The following MYH11 variants were observed in gnomAD, a reference collection of about 807,000 sequenced individuals.
MYH11 encodes myosin heavy chain 11.
MYH11 carries 80 observed loss-of-function variants against 246.6 expected under a neutral mutation model. The observed-to-expected ratio is 0.32, with a 90% CI of 0.27 to 0.39. The LOEUF is 0.39. Among genes scored for constraint, MYH11 ranks in the 10% least tolerant of loss-of-function variants. MYH11 has a pLI of 1.00. For missense variants in MYH11, 2,158 were observed against 2,546.8 expected, an observed-to-expected ratio of 0.85 and a Z score of 3.29; for synonymous variants, 1,071 against 1,015.5, an observed-to-expected ratio of 1.05 and a Z score of -1.04.
chr16:15,718,884 T>C (rs1184910965), intron 36 of MYH11: 2 of 412,630 alleles, frequency 4.8e-6, no homozygotes, highest in Non-Finnish European at 4.5e-6. Flanking sequence ...TCACAGCACT[T>C]TGGGAGGCCA....
chr16:15,728,250 C>A (rs905738311), intron 27 of MYH11, among the ~76,000 whole-genome samples: 2 of 152,084 alleles, frequency 1.3e-5, no homozygotes, highest in Non-Finnish European at 2.9e-5. Flanking sequence ...CAATAACTAA[C>A]ATTCTATGTG....
chr16:15,727,086 G>C (rs199516664), intron 27 of MYH11, 32 bp from the exon 28 acceptor site: 3 of 1,605,546 alleles, frequency 1.9e-6, no homozygotes, highest in South Asian at 1.1e-5. Flanking sequence ...AGGGATAACA[G>C]GGAGGCTGTG....
chr16:15,708,687 A>G (rs1450504257), intron 40 of MYH11: 2 of 1,149,684 alleles, frequency 1.7e-6, no homozygotes, highest in Non-Finnish European at 2.6e-6. Flanking sequence ...AGATTTTGCA[A>G]GAATCTCGTG....
At chr16:15,799,645 C>T (rs908846406) in intron 3 of MYH11, among the ~76,000 whole-genome samples, 1 of 152,216 alleles carries the variant, frequency 6.6e-6, no homozygotes, top group South Asian at 2.1e-4. Flanking sequence ...AGACCCATTT[C>T]CTTCCCAAAG....
In MYH11 at chr16:15,718,302, A is replaced by G. The variant is rs193922632; in HGVS notation, c.5295+13T>C. Reference sequence around the variant, plus strand: ...AGTAGGCAGCGTGACTGTGGTGTCCAGGCGGCCCTCACCTGCTGTGTGGCT... The same window carrying G: ...AGTAGGCAGCGTGACTGTGGTGTCCGGGCGGCCCTCACCTGCTGTGTGGCT... On this transcript the variant is annotated intron_variant, in intron 37 of 40. Transcript: ENST00000300036. 5 of 1,608,128 alleles carry G rather than the reference A, an allele frequency of 3.1e-6. No homozygotes were observed. The highest frequency in any genetic ancestry group is 4.2e-6 in the Non-Finnish European group (5 of 1,179,960).
intron 4 of MYH11, among the ~76,000 whole-genome samples, chr16:15,798,179 C>A (rs964114263): frequency 6.6e-6 from 1 of 152,164 alleles, no homozygotes; most frequent in African/African-American, 2.4e-5. Context: ...GAGTTACTAT[C>A]TTCTGCCTAT....
intron 1 of MYH11, among the ~76,000 whole-genome samples, chr16:15,854,773 A>G (rs1180902129): frequency 6.6e-6 from 1 of 152,184 alleles, no homozygotes; most frequent in Non-Finnish European, 1.5e-5. Flanking sequence ...GCTTGTGCCT[A>G]ACGTGGAAGA....
At chr16:15,833,393 A>AAGGAAGGG (rs1555458582) in intron 2 of MYH11, among the ~76,000 whole-genome samples, 26 of 148,636 alleles carry the variant, frequency 1.7e-4, no homozygotes, top group South Asian at 4.3e-4. Context: ...GGGAGGAAGG[A>AAGGAAGGG]AGGAAGGAAG....
chr16:15,812,747 G>A (rs2043169522), intron 3 of MYH11, among the ~76,000 whole-genome samples: 1 of 151,782 alleles, frequency 6.6e-6, no homozygotes, highest in South Asian at 2.1e-4. Flanking sequence ...GTGGTGCATG[G>A]CTGCAGTCCC....
At chr16:15,820,710 G>A (rs1190541743) in intron 3 of MYH11, among the ~76,000 whole-genome samples, 1 of 151,996 alleles carries the variant, frequency 6.6e-6, no homozygotes, top group Admixed American at 6.6e-5. Context: ...ATGCTCACAT[G>A]ATTTCATCCC....
intron 1 of MYH11, among the ~76,000 whole-genome samples, chr16:15,846,534 G>C (rs552682725): frequency 1.5e-4 from 23 of 152,274 alleles, no homozygotes; most frequent in Non-Finnish European, 3.1e-4. Context: ...AGCCCTATGA[G>C]TGTTCACTTT....
intron 3 of MYH11, among the ~76,000 whole-genome samples, chr16:15,801,005 A>C (rs947687246): frequency 6.6e-6 from 1 of 152,084 alleles, no homozygotes; most frequent in African/African-American, 2.4e-5. Context: ...CAGGAGTTCC[A>C]GACCAGCCTG....
intron 15 of MYH11, among the ~76,000 whole-genome samples, chr16:15,752,956 A>G (rs2041612322): frequency 6.6e-6 from 1 of 152,176 alleles, no homozygotes; most frequent in Non-Finnish European, 1.5e-5. Context: ...TTTAACCCTC[A>G]TAATACCTCT....
chr16:15,733,853 G>GC (rs1234026914), intron 26 of MYH11, among the ~76,000 whole-genome samples: 1 of 152,170 alleles, frequency 6.6e-6, no homozygotes, highest in African/African-American at 2.4e-5. Flanking sequence ...CATGCACTGG[G>GC]CTCTTCTGTA....
intron 2 of MYH11, among the ~76,000 whole-genome samples, chr16:15,834,090 T>C (rs2043825437): frequency 6.6e-6 from 1 of 152,142 alleles, no homozygotes; most frequent in Admixed American, 6.5e-5. Flanking sequence ...TTCTGATTTC[T>C]ATTTGAGGAC....
chr16:15,712,895 T>G (rs1011591539), intron 40 of MYH11: 1 of 148,746 alleles, frequency 6.7e-6, no homozygotes, highest in Non-Finnish European at 1.5e-5. Flanking sequence ...TTTTTTTTTT[T>G]GAGACCGAGT....
chr16:15,831,276 C>A (rs150393715), intron 2 of MYH11, among the ~76,000 whole-genome samples: 1 of 152,174 alleles, frequency 6.6e-6, no homozygotes, highest in Non-Finnish European at 1.5e-5. Flanking sequence ...GAAATAGGAA[C>A]GAAGGGGGAA....
intron 3 of MYH11, among the ~76,000 whole-genome samples, chr16:15,799,462 A>C (rs780620564): frequency 1.3e-5 from 2 of 152,066 alleles, no homozygotes; most frequent in Non-Finnish European, 2.9e-5. Flanking sequence ...GAGCTCCTCC[A>C]TACTCCCCTA....
intron 36 of MYH11, 151 bp from the exon 37 acceptor site, chr16:15,718,589 C>A: frequency 8.1e-7 from 1 of 1,227,546 alleles, no homozygotes; most frequent in Non-Finnish European, 1.1e-6. Flanking sequence ...TCTGTAGTTA[C>A]ACAGCCAGGA....
Sources: allele counts gnomAD v4.1 joint callset (sites outside exome capture counted in the v4.1 genomes callset), GRCh38; gene constraint gnomAD v4.1.1; transcripts MANE v1.5; gene names NCBI Gene and HGNC (gene_info 2026-07-23, HGNC 2026-07-21).